The following OR8J3 variants were observed in gnomAD, a reference collection of about 807,000 sequenced individuals.
OR8J3 encodes olfactory receptor 8J3.
For synonymous variants in OR8J3, 170 were observed against 142.6 expected, an observed-to-expected ratio of 1.19 and a Z score of -1.37; for missense variants, 418 against 379.8, an observed-to-expected ratio of 1.10 and a Z score of -0.84.
chr11:56,137,058 T>C lies in OR8J3; in HGVS notation c.661A>G (p.Ile221Val). 2 of 1,613,828 alleles carry C rather than the reference T, an allele frequency of 1.2e-6. No individual in the cohort carries two copies. Among genetic ancestry groups the C allele is most frequent in the South Asian group, 2.2e-5 (2 of 91,020 alleles). ...CGTATCCTTAGAATGGACAAAACAA[T>C]ATTGAAATAAGATACTAGAACTGTA... ...MITVLVSYFN[I>V]VLSILRIRSP... The change falls in exon 2 of 2, where the codon ATT becomes GTT. Residue 221 changes from isoleucine (I) to valine (V), a missense_variant. Physicochemically the swap from Ile to Val is conservative, Grantham distance 29. Coordinates refer to ENST00000642058, the MANE Select transcript of OR8J3 (RefSeq NM_001004064.2).
rs1309544414 is a variant in OR8J3 at position 56,135,980 on chromosome 11, A to G, written c.*791T>C. The G allele has an allele frequency of 6.6e-6, 1 of 152,038 alleles. No homozygotes were observed. The highest frequency in any genetic ancestry group is 2.4e-5 in the African/African-American group (1 of 41,452). 9.4% of individuals were successfully genotyped at this position (152,038 alleles called of 1,614,324 possible). On this transcript the variant is annotated 3_prime_UTR_variant, in exon 2 of 2. Transcript: ENST00000642058. Reference sequence around the variant, plus strand: ...AAAAAAGAACAAAAATTCAAAAAATATTTCTGATGATGTAAGAAACTCCCA... The same window carrying G: ...AAAAAAGAACAAAAATTCAAAAAATGTTTCTGATGATGTAAGAAACTCCCA...
In OR8J3 at chr11:56,136,844, A is replaced by C; in HGVS notation, c.875T>G (p.Leu292Arg). Residue 292 changes from leucine to arginine, a missense_variant, in exon 2 of 2, where the codon CTG becomes CGG. Coordinates refer to ENST00000642058, the MANE Select transcript of OR8J3 (RefSeq NM_001004064.2). ...IPMLNPLIYS[L>R]RNNDVNVALK... Reference sequence around the variant, plus strand: ...GGCAACATTTACATCATTATTCCTCAGGCTGTAGATCAAGGGATTCAGCAT... The same window carrying C: ...GGCAACATTTACATCATTATTCCTCCGGCTGTAGATCAAGGGATTCAGCAT... The C allele has an allele frequency of 6.2e-7, 1 of 1,611,934 alleles. No homozygotes were observed. The highest frequency in any genetic ancestry group is 8.5e-7 in the Non-Finnish European group (1 of 1,179,336).
chr11:56,137,426 G>T lies in OR8J3; in HGVS notation c.293C>A (p.Ala98Asp). 6.2e-7 allele frequency: 1 copy of T among 1,614,194 alleles called. No individual in the cohort carries two copies. The highest frequency in any genetic ancestry group is 1.1e-5 in the South Asian group (1 of 91,086). Residue 98 changes from alanine to aspartate, a missense_variant, in exon 2 of 2, where the codon GCC becomes GAC. Ala to Asp is a moderately radical substitution (Grantham distance 126). Coordinates refer to ENST00000642058, the MANE Select transcript of OR8J3 (RefSeq NM_001004064.2). ...GAACAAGAACCCTCCCAGTTGGGTG[G>T]CACATTCATAGAATGAGGTAGTTTT... ...KKKTTSFYEC[A>D]TQLGGFLFFI...
rs1447455592 is a variant in OR8J3 at position 56,137,875 on chromosome 11, C to T, written c.-157G>A. Reference sequence around the variant, plus strand: ...TAATTCAGTTATTAAACTCAGTATTCTCAGTCTAATAAATCAGCTTTGCAA... The same window carrying T: ...TAATTCAGTTATTAAACTCAGTATTTTCAGTCTAATAAATCAGCTTTGCAA... On this transcript the variant is annotated 5_prime_UTR_variant, in exon 2 of 2. Transcript: ENST00000642058. The T allele has an allele frequency of 3.2e-6, 2 of 632,172 alleles. No individual in the cohort carries two copies. The highest frequency in any genetic ancestry group is 5.3e-6 in the Non-Finnish European group (2 of 374,654). The allele number at this position is 632,172 out of a possible 1,614,324, so 39.2% of individuals were successfully genotyped here. A position where few individuals can be genotyped will look rare whatever the true frequency, so the allele number is the denominator to read the frequency against.
rs1854355214 is a variant in OR8J3, at chr11:56,138,267, C to G, written c.-549G>C. ...TTACAACATGCATGTTTGTTTACTA[C>G]TTTTTCTCTTTCCATTTTATTAACT... On this transcript the variant is annotated 5_prime_UTR_variant, in exon 2 of 2. Coordinates refer to ENST00000642058, the MANE Select transcript of OR8J3 (RefSeq NM_001004064.2). 1 of 152,222 alleles carries G rather than the reference C, an allele frequency of 6.6e-6. No individual in the cohort carries two copies. The highest frequency in any genetic ancestry group is 1.5e-5 in the Non-Finnish European group (1 of 68,084). 9.4% of individuals were successfully genotyped at this position (152,222 alleles called of 1,614,324 possible).
rs760857965 is a variant in OR8J3, at chr11:56,136,996, G to A, written c.723C>T (p.Cys241=). 1.7e-5 allele frequency: 27 copies of A among 1,613,270 alleles called. No homozygotes were observed. The highest frequency in any genetic ancestry group is 2.2e-5 in the East Asian group (1 of 44,874). The change falls in exon 2 of 2, where the codon TGC becomes TGT. Residue 241 remains cysteine, a synonymous_variant. Transcript: ENST00000642058. The stretch of plus-strand genomic sequence containing the variant: ...CCGTGACTGCTATCATATGCGAAGC[G>A]CAGGTGGAAAAGGCTTTTTTCCTTC... ...PEGRKKAFST[C]ASHMIAVTVF...
At chr11:56,139,930 C>T (rs530368451) in intron 1 of OR8J3, among the ~76,000 whole-genome samples, 3 of 152,328 alleles carry the variant, frequency 2.0e-5, no homozygotes, top group Admixed American at 2.0e-4. Context: ...AGAATATGTT[C>T]TTATAAATGC....
At position 56,137,256 on chromosome 11, in the gene OR8J3, T is replaced by G; in HGVS notation, c.463A>C (p.Thr155Pro). 6.2e-7 allele frequency: 1 copy of G among 1,613,784 alleles called. No homozygotes were observed. Among genetic ancestry groups the G allele is most frequent in the Non-Finnish European group, 8.5e-7 (1 of 1,179,934 alleles). The stretch of plus-strand genomic sequence containing the variant: ...ATACAAGGTGAAACCACAATAGCTG[T>G]AGAAAAGCCATAGAGGTATGTGAGG... ...VSLTYLYGFS[T>P]AIVVSPCIFS... Residue 155 changes from threonine to proline, a missense_variant, in exon 2 of 2, where the codon ACA (threonine) becomes CCA (proline). By Grantham distance (38) the Thr-to-Pro change is conservative (BLOSUM62 -1). Coordinates refer to ENST00000642058, the MANE Select transcript of OR8J3 (RefSeq NM_001004064.2).
In OR8J3 at chr11:56,136,034, A is replaced by G. The variant is rs1042206697; in HGVS notation, c.*737T>C. On this transcript the variant is annotated 3_prime_UTR_variant, in exon 2 of 2. Transcript: ENST00000642058. ...ACAAGTTTTTTTAAAGTTTATTAAT[A>G]TACAAAAATAGAACATTTGTTTTAC... 1 of 152,048 alleles carries G rather than the reference A, an allele frequency of 6.6e-6. No homozygotes were observed. Among genetic ancestry groups the G allele is most frequent in the African/African-American group, 2.4e-5 (1 of 41,458 alleles). 9.4% of individuals were successfully genotyped at this position (152,048 alleles called of 1,614,324 possible).
Position 56,137,983 on chromosome 11 carries a change from G to A in OR8J3, c.-265C>T, listed in dbSNP as rs899890689. ...GTTTCAGCATCCTGCAACACTTTGA[G>A]GGTTTACTGCCTTGCAGTGTAATTG... On this transcript the variant is annotated 5_prime_UTR_variant, in exon 2 of 2. Coordinates refer to ENST00000642058, the MANE Select transcript of OR8J3 (RefSeq NM_001004064.2). The A allele has an allele frequency of 1.1e-5, 5 of 447,576 alleles. No individual in the cohort carries two copies. Among genetic ancestry groups the A allele is most frequent in the African/African-American group, 8.0e-5 (4 of 50,252 alleles). 27.7% of individuals were successfully genotyped at this position (447,576 alleles called of 1,614,324 possible). A position where few individuals can be genotyped will look rare whatever the true frequency, so the allele number is the denominator to read the frequency against.
In OR8J3 at chr11:56,140,161, G is replaced by T. The variant is rs985289285; in HGVS notation, c.-780+12C>A. On this transcript the variant is annotated intron_variant, in intron 1 of 1. Transcript: ENST00000642058. Reference sequence around the variant, plus strand: ...CCCTTGAAAATTGTCAATGATCAATGTTTCTACTTACTTCAACAGAGAATC... The same window carrying T: ...CCCTTGAAAATTGTCAATGATCAATTTTTCTACTTACTTCAACAGAGAATC... The T allele has an allele frequency of 6.6e-6, 1 of 152,178 alleles. No homozygotes were observed. Among genetic ancestry groups the T allele is most frequent in the Admixed American group, 6.5e-5 (1 of 15,282 alleles). The allele number at this position is 152,178 out of a possible 1,614,324, so 9.4% of individuals were successfully genotyped here. A position where few individuals can be genotyped will look rare whatever the true frequency, so the allele number is the denominator to read the frequency against.
In OR8J3 at chr11:56,135,818, A is replaced by C. The variant is rs890186297; in HGVS notation, c.*953T>G. ...TGCCAGAATCCCCATTGGCACTTTT[A>C]ATATGAGTTTTTTGACTTTTGCCTT... On this transcript the variant is annotated 3_prime_UTR_variant, in exon 2 of 2. Coordinates refer to ENST00000642058, the MANE Select transcript of OR8J3 (RefSeq NM_001004064.2). The C allele has an allele frequency of 6.6e-6, 1 of 151,986 alleles. No individual in the cohort carries two copies. The highest frequency in any genetic ancestry group is 1.5e-5 in the Non-Finnish European group (1 of 67,886). The allele number at this position is 151,986 out of a possible 1,614,324, so 9.4% of individuals were successfully genotyped here. A position where few individuals can be genotyped will look rare whatever the true frequency, so the allele number is the denominator to read the frequency against.
Position 56,136,976 on chromosome 11 carries a change from A to G in OR8J3, c.743T>C (p.Val248Ala). 2.5e-6 allele frequency: 4 copies of G among 1,613,358 alleles called. No individual in the cohort carries two copies. Among genetic ancestry groups the G allele is most frequent in the Non-Finnish European group, 3.4e-6 (4 of 1,179,802 alleles). Residue 248 changes from valine (V) to alanine (A), a missense_variant, in exon 2 of 2, where the codon GTC (valine) becomes GCC (alanine). Physicochemically the swap from Val to Ala is moderately conservative, Grantham distance 64 (BLOSUM62 0). Transcript: ENST00000642058. ...FSTCASHMIA[V>A]TVFYGTMLFM... ...TAGCATTGTCCCATAGAAAACCGTGACTGCTATCATATGCGAAGCGCAGGT... is the reference window on the plus strand; with the variant it reads ...TAGCATTGTCCCATAGAAAACCGTGGCTGCTATCATATGCGAAGCGCAGGT...
rs372669334 is a variant in OR8J3 at position 56,136,820 on chromosome 11, G to A, written c.899C>T (p.Ala300Val). 1.2e-6 allele frequency: 2 copies of A among 1,603,392 alleles called. No homozygotes were observed. The highest frequency in any genetic ancestry group is 8.5e-7 in the Non-Finnish European group (1 of 1,176,662). The change falls in exon 2 of 2, where the codon GCC becomes GTC. Residue 300 changes from alanine to valine, a missense_variant. Ala to Val is a moderately conservative substitution (Grantham distance 64). Coordinates refer to ENST00000642058, the MANE Select transcript of OR8J3 (RefSeq NM_001004064.2). ...YSLRNNDVNVALKKFMENPCY... is the reference protein window; with the variant it reads ...YSLRNNDVNVVLKKFMENPCY... ...TGGATTTTCCATGAATTTCTTTAAG[G>A]CAACATTTACATCATTATTCCTCAG... is the stretch of plus-strand genomic sequence containing the variant.
In OR8J3 at chr11:56,137,576, A is replaced by T; in HGVS notation, c.143T>A (p.Leu48His). ...TTGAAGTCGAGAGTCAACACTGGTG[A>T]GGGTGATGATGCCCAGGTTCCCTGC... ...TMAGNLGIIT[L>H]TSVDSRLQNP... The change falls in exon 2 of 2, where the codon CTC becomes CAC. Residue 48 changes from leucine (L) to histidine (H), a missense_variant. Leu to His is a moderately conservative substitution (Grantham distance 99, BLOSUM62 -3). Transcript: ENST00000642058. 1 of 1,614,198 alleles carries T rather than the reference A, an allele frequency of 6.2e-7. No homozygotes were observed. The highest frequency in any genetic ancestry group is 8.5e-7 in the Non-Finnish European group (1 of 1,180,034).
rs1477876901 is a variant in OR8J3 at position 56,135,382 on chromosome 11, T to G, written c.*1389A>C. On this transcript the variant is annotated 3_prime_UTR_variant, in exon 2 of 2. Coordinates refer to ENST00000642058, the MANE Select transcript of OR8J3 (RefSeq NM_001004064.2). Reference sequence around the variant, plus strand: ...AAAATCTCATCTTATGCAAACAAGATAGCTTTTTCCTGCCTTTTCATTCTT... The same window carrying G: ...AAAATCTCATCTTATGCAAACAAGAGAGCTTTTTCCTGCCTTTTCATTCTT... 1 of 151,996 alleles carries G rather than the reference T, an allele frequency of 6.6e-6. No individual in the cohort carries two copies. The highest frequency in any genetic ancestry group is 1.9e-4 in the East Asian group (1 of 5,198). The allele number at this position is 151,996 out of a possible 1,614,324, so 9.4% of individuals were successfully genotyped here.
chr11:56,140,024 A>G (rs1365169042), intron 1 of OR8J3, 149 bp downstream of exon 1: 1 of 152,290 alleles, frequency 6.6e-6, no homozygotes, highest in Non-Finnish European at 1.5e-5. Context: ...TGTTAAAAAT[A>G]GTTGAAAAGC....
At position 56,136,608 on chromosome 11, in the gene OR8J3, A is replaced by G; in HGVS notation, c.*163T>C. On this transcript the variant is annotated 3_prime_UTR_variant, in exon 2 of 2. Transcript: ENST00000642058. ...ATAAATAATATTTTTGTTTTGTATTACTCTCATAACTCAAAATGTTTCCAT... is the reference window on the plus strand; with the variant it reads ...ATAAATAATATTTTTGTTTTGTATTGCTCTCATAACTCAAAATGTTTCCAT... 1 of 477,078 alleles carries G rather than the reference A, an allele frequency of 2.1e-6. No individual in the cohort carries two copies. Among genetic ancestry groups the G allele is most frequent in the Non-Finnish European group, 3.6e-6 (1 of 275,388 alleles). 29.6% of individuals were successfully genotyped at this position (477,078 alleles called of 1,614,324 possible). A position where few individuals can be genotyped will look rare whatever the true frequency, so the allele number is the denominator to read the frequency against.
At chr11:56,139,498 T>G (rs1482004) in intron 1 of OR8J3, among the ~76,000 whole-genome samples, 102 of 152,332 alleles carry the variant, frequency 6.7e-4, no homozygotes, top group African/African-American at 2.4e-3. Flanking sequence ...ACATATTTAT[T>G]AAAATTCTAC....
Sources: allele counts gnomAD v4.1 joint callset (sites outside exome capture counted in the v4.1 genomes callset), GRCh38; gene constraint gnomAD v4.1.1; transcripts MANE v1.5; gene names NCBI Gene and HGNC (gene_info 2026-07-23, HGNC 2026-07-21).